SGMS2: variants seen among roughly 807,000 people sequenced by gnomAD.
SGMS2 encodes the protein phosphatidylcholine:ceramide cholinephosphotransferase 2.
Under a neutral mutation model 43.8 loss-of-function variants are expected in SGMS2, and 21 were observed. The ratio of observed to expected loss-of-function variants is 0.48; its 90% CI spans 0.34 to 0.69. SGMS2 has a LOEUF of 0.69. Among genes scored for constraint, SGMS2 ranks in the 30% least tolerant of loss-of-function variants. The probability of loss-of-function intolerance (pLI) is 0.01; values close to 1 mark genes in which losing one functional copy is unlikely to be tolerated. For synonymous variants in SGMS2, 167 were observed against 160.6 expected, an observed-to-expected ratio of 1.04 and a Z score of -0.30; for missense variants, 384 against 443.2, an observed-to-expected ratio of 0.87 and a Z score of 1.20.
At chr4:107,880,965 A>G (rs1729293455) in intron 2 of SGMS2, among the ~76,000 whole-genome samples, 1 of 152,140 alleles carries the variant, frequency 6.6e-6, no homozygotes, top group Non-Finnish European at 1.5e-5. Flanking sequence ...GAATGCTGTT[A>G]ACATAAAATT....
At chr4:107,898,800 A>C (rs1000149499) in intron 3 of SGMS2, among the ~76,000 whole-genome samples, 1 of 152,340 alleles carries the variant, frequency 6.6e-6, no homozygotes, top group African/African-American at 2.4e-5. Context: ...GACTCAGGTC[A>C]TGAAGCACAG....
intron 6 of SGMS2, among the ~76,000 whole-genome samples, chr4:107,909,911 A>G (rs1413292253): frequency 6.6e-6 from 1 of 151,936 alleles, no homozygotes; most frequent in Non-Finnish European, 1.5e-5. Context: ...GTAGTCTCCC[A>G]TTTCCATCTT....
At chr4:107,869,062 C>T (rs1728356875) in intron 2 of SGMS2, among the ~76,000 whole-genome samples, 1 of 152,006 alleles carries the variant, frequency 6.6e-6, no homozygotes, top group Admixed American at 6.6e-5. Flanking sequence ...ATGTTGGGCA[C>T]AAAGCACCCA....
At chr4:107,854,428 G>A (rs575164484) in intron 1 of SGMS2, among the ~76,000 whole-genome samples, 2 of 152,298 alleles carry the variant, frequency 1.3e-5, no homozygotes, top group Admixed American at 1.3e-4. Flanking sequence ...TGACTAATAG[G>A]AATATTCTTC....
intron 2 of SGMS2, among the ~76,000 whole-genome samples, chr4:107,877,271 G>A (rs1728978806): frequency 6.6e-6 from 1 of 152,144 alleles, no homozygotes; most frequent in Non-Finnish European, 1.5e-5. Flanking sequence ...AAGATATCCT[G>A]TCTAAACAAA....
In SGMS2 at chr4:107,886,129, G is replaced by A. The variant is rs905385202; in HGVS notation, c.-244-9181G>A. On this transcript the variant is annotated intron_variant, in intron 2 of 6. Transcript: ENST00000690982. ...AAATGATTCTAAAGTTCATCAGAGAGTAAAAATGGTAGCAGCAGCAGGTTT... is the reference window on the plus strand; with the variant it reads ...AAATGATTCTAAAGTTCATCAGAGAATAAAAATGGTAGCAGCAGCAGGTTT... Among the ~76,000 whole-genome samples the A allele has an allele frequency of 3.9e-5, 6 of 151,952 alleles. No individual in the cohort carries two copies. In the East Asian group the frequency reaches 9.7e-4, roughly 24 times the overall value.
intron 2 of SGMS2, among the ~76,000 whole-genome samples, chr4:107,875,315 C>G (rs1728829556): frequency 6.6e-6 from 1 of 152,152 alleles, no homozygotes; most frequent in Non-Finnish European, 1.5e-5. Flanking sequence ...CCATGGAATA[C>G]TATGCAGCCA....
chr4:107,831,339 C>T (rs1311742889), intron 1 of SGMS2, among the ~76,000 whole-genome samples: 1 of 152,136 alleles, frequency 6.6e-6, no homozygotes, highest in African/African-American at 2.4e-5. Context: ...CAGAGGTGAA[C>T]CCTGACAGGC....
intron 5 of SGMS2, 48 bp downstream of exon 5, chr4:107,903,434 A>C: frequency 6.3e-7 from 1 of 1,579,104 alleles, no homozygotes; most frequent in Middle Eastern, 1.7e-4. Context: ...AGTGGGAGGG[A>C]TCCCTGGGCC....
intron 1 of SGMS2, among the ~76,000 whole-genome samples, chr4:107,842,757 C>A (rs973577409): frequency 1.4e-4 from 21 of 152,184 alleles, no homozygotes; most frequent in African/African-American, 5.1e-4. Context: ...TCATCAGCCA[C>A]TAGTGCCAGA....
chr4:107,895,521 C>A lies in SGMS2; in HGVS notation c.-33C>A. ...ATTTCCACAAAGAACAAGAACTTGA[C>A]CATCTCCTTTTTGATCTGAAGACTA... On this transcript the variant is annotated 5_prime_UTR_variant, in exon 3 of 7. Coordinates refer to ENST00000690982, the MANE Select transcript of SGMS2 (RefSeq NM_001375905.1). 1 of 1,570,204 alleles carries A rather than the reference C, an allele frequency of 6.4e-7. No individual in the cohort carries two copies. Among genetic ancestry groups the A allele is most frequent in the Non-Finnish European group, 8.6e-7 (1 of 1,157,962 alleles).
In SGMS2 at chr4:107,857,682, C is replaced by T. The variant is rs1727501738; in HGVS notation, c.-326-790C>T. On this transcript the variant is annotated intron_variant, in intron 1 of 6. Coordinates refer to ENST00000690982, the MANE Select transcript of SGMS2 (RefSeq NM_001375905.1). ...CTATATTTTGCTTCCATCCACAAGG[C>T]AAATTTCAACTAAAAAATCCATTGA... is the stretch of plus-strand genomic sequence containing the variant. Among the ~76,000 whole-genome samples the T allele has an allele frequency of 1.3e-5, 2 of 152,080 alleles. 1 individual carries two copies. The highest frequency in any genetic ancestry group is 4.1e-4 in the South Asian group (2 of 4,824).
chr4:107,895,613 T>C lies in SGMS2; in HGVS notation c.60T>C (p.Pro20=), dbSNP rs1578638352. The C allele has an allele frequency of 6.2e-7, 1 of 1,613,986 alleles. No individual in the cohort carries two copies. The highest frequency in any genetic ancestry group is 8.5e-7 in the Non-Finnish European group (1 of 1,179,924). ...EEHLENQPSD[P]TNTYARPAEP... is the part of the protein sequence containing the mutation. ...ATTTGGAAAATCAACCCAGTGATCC[T>C]ACGAACACTTATGCAAGACCCGCTG... Residue 20 remains proline (P), a synonymous_variant, in exon 3 of 7, where the codon CCT becomes CCC. Transcript: ENST00000690982.
chr4:107,895,063 G>A (rs1311190951), intron 2 of SGMS2, among the ~76,000 whole-genome samples: 1 of 152,108 alleles, frequency 6.6e-6, no homozygotes, highest in Non-Finnish European at 1.5e-5. Context: ...AAATTTAAAG[G>A]GAACTGATTG....
In SGMS2 at chr4:107,869,530, A is replaced by T. The variant is rs1328973479; in HGVS notation, c.-245+10977A>T. ...AGCCTTGTAAGCAATGCTAAGAAACAATAGATGTCAGAAGGACATGCCACC... is the reference window on the plus strand; with the variant it reads ...AGCCTTGTAAGCAATGCTAAGAAACTATAGATGTCAGAAGGACATGCCACC... On this transcript the variant is annotated intron_variant, in intron 2 of 6. Coordinates refer to ENST00000690982, the MANE Select transcript of SGMS2 (RefSeq NM_001375905.1). Among the ~76,000 whole-genome samples the T allele has an allele frequency of 2.0e-5, 3 of 152,214 alleles. No homozygotes were observed. In the East Asian group the frequency reaches 5.8e-4, roughly 29 times the overall value.
At chr4:107,909,067 CTT>C (rs1731869738) in intron 6 of SGMS2, among the ~76,000 whole-genome samples, 1 of 151,410 alleles carries the variant, frequency 6.6e-6, no homozygotes, top group Non-Finnish European at 1.5e-5. Context: ...CTGCCTTCAA[CTT>C]AAATTAATTT....
intron 2 of SGMS2, among the ~76,000 whole-genome samples, chr4:107,872,731 G>C (rs1728639523): frequency 6.6e-6 from 1 of 151,938 alleles, no homozygotes; most frequent in Non-Finnish European, 1.5e-5. Context: ...AAAACATGCT[G>C]CTTATTTATT....
At position 107,914,571 on chromosome 4, in the gene SGMS2, A is replaced by C. The variant is rs1390935208; in HGVS notation, c.*4018A>C. ...CAATGTGTTAAGTGCCTTGTTGTAAAGTAAAATTTTAAGTCTAGATTCATT... is the reference window on the plus strand; with the variant it reads ...CAATGTGTTAAGTGCCTTGTTGTAACGTAAAATTTTAAGTCTAGATTCATT... On this transcript the variant is annotated 3_prime_UTR_variant, in exon 7 of 7. Transcript: ENST00000690982. The C allele has an allele frequency of 6.6e-6, 1 of 152,130 alleles. No homozygotes were observed. The highest frequency in any genetic ancestry group is 1.5e-5 in the Non-Finnish European group (1 of 67,980). 9.4% of individuals were successfully genotyped at this position (152,130 alleles called of 1,614,324 possible).
At chr4:107,889,801 A>G (rs1483972295) in intron 2 of SGMS2, among the ~76,000 whole-genome samples, 1 of 152,180 alleles carries the variant, frequency 6.6e-6, no homozygotes, top group Non-Finnish European at 1.5e-5. Flanking sequence ...GCATCATAAG[A>G]TACAGAGAGA....
Sources: allele counts gnomAD v4.1 joint callset (sites outside exome capture counted in the v4.1 genomes callset), GRCh38; gene constraint gnomAD v4.1.1; transcripts MANE v1.5; gene names NCBI Gene and HGNC (gene_info 2026-07-23, HGNC 2026-07-21).